Variants in SLC15A1 observed in about 807,000 individuals in gnomAD.
SLC15A1 encodes the protein Caco-2 oligopeptide transporter.
A neutral mutation model predicts 92.9 loss-of-function variants in SLC15A1; 83 were observed. The ratio of observed to expected loss-of-function variants is 0.89; its 90% CI spans 0.75 to 1.07. The LOEUF (loss-of-function observed/expected upper bound fraction) is 1.07. SLC15A1 is among the 50% of genes least tolerant of loss of function. The pLI is 0.00. For missense variants in SLC15A1, 857 were observed against 880.1 expected, an observed-to-expected ratio of 0.97 and a Z score of 0.33; for synonymous variants, 322 against 318.2, an observed-to-expected ratio of 1.01 and a Z score of -0.13.
intron 1 of SLC15A1, among the ~76,000 whole-genome samples, chr13:98,748,389 C>G (rs1358103737): frequency 6.6e-6 from 1 of 152,198 alleles, no homozygotes; most frequent in African/African-American, 2.4e-5. Flanking sequence ...CTCCTGGGCT[C>G]AAGTGATCCT....
At chr13:98,686,151 A>C in intron 22 of SLC15A1, 39 bp downstream of exon 22, 1 of 1,449,260 alleles carries the variant, frequency 6.9e-7, no homozygotes, top group Non-Finnish European at 9.7e-7. Context: ...ATGAACAGGA[A>C]AGACAGAGGT....
intron 8 of SLC15A1, among the ~76,000 whole-genome samples, chr13:98,717,745 G>C (rs1270605530): frequency 1.3e-5 from 2 of 152,142 alleles, no homozygotes; most frequent in East Asian, 3.9e-4. Flanking sequence ...GATTGAAAAC[G>C]GTCCTATTCC....
intron 20 of SLC15A1, 107 bp from the exon 21 acceptor site, chr13:98,687,831 G>A (rs950906): frequency 0.1 from 132,711 of 1,301,836 alleles, 8,983 homozygotes; most frequent in East Asian, 0.38. Context: ...CATATGATTT[G>A]TCAAGTACGT....
chr13:98,685,984 CA>C (rs869045159), intron 22 of SLC15A1, among the ~76,000 whole-genome samples: 3,589 of 103,142 alleles, frequency 0.035, 64 homozygotes, highest in Middle Eastern at 0.085. Flanking sequence ...GACTCCGTCT[CA>C]AAAAAAAAAA....
At position 98,711,829 on chromosome 13, in the gene SLC15A1, GAGCACA is replaced by G. The variant is rs2088165612; in HGVS notation, c.900+19_900+24del. Reference sequence around the variant, plus strand: ...GGATGTACGCTTGCTCCGTGAAGAAGAGCACAAGCAGAGTTTCACATTACCTGCTGG... The same window carrying G: ...GGATGTACGCTTGCTCCGTGAAGAAGAGCAGAGTTTCACATTACCTGCTGG... On this transcript the variant is annotated intron_variant, in intron 11 of 22. Coordinates refer to ENST00000376503, the MANE Select transcript of SLC15A1 (RefSeq NM_005073.4). 6.4e-7 allele frequency: 1 copy of G among 1,566,652 alleles called. No homozygotes were observed. Among genetic ancestry groups the G allele is most frequent in the Non-Finnish European group, 8.8e-7 (1 of 1,137,098 alleles).
chr13:98,730,048 T>C (rs1418254511), intron 1 of SLC15A1, among the ~76,000 whole-genome samples: 2 of 151,588 alleles, frequency 1.3e-5, no homozygotes, highest in Non-Finnish European at 2.9e-5. Context: ...CTACTAAAAA[T>C]ACAAAAATTA....
intron 18 of SLC15A1, among the ~76,000 whole-genome samples, chr13:98,693,102 T>TG (rs2087994807): frequency 7.2e-6 from 1 of 138,920 alleles, no homozygotes; most frequent in African/African-American, 2.9e-5. Context: ...TTTTTTTTTT[T>TG]TTTTTTTTTT....
At chr13:98,731,283 A>C (rs1230302054) in intron 1 of SLC15A1, among the ~76,000 whole-genome samples, 7 of 152,272 alleles carry the variant, frequency 4.6e-5, no homozygotes, top group Non-Finnish European at 1.0e-4. Flanking sequence ...TGTCTTTCAC[A>C]CCAGGCAGGG....
intron 5 of SLC15A1, 128 bp downstream of exon 5, chr13:98,723,784 T>C: frequency 1.5e-6 from 2 of 1,297,374 alleles, no homozygotes; most frequent in South Asian, 1.5e-5. Context: ...GCCTTCTCCA[T>C]GCTGCCCAAG....
chr13:98,721,147 T>TA (rs1268646080), intron 7 of SLC15A1: 1 of 514,038 alleles, frequency 1.9e-6, no homozygotes, highest in Admixed American at 2.3e-5. Context: ...GCTTGAAGGC[T>TA]AAAATGGCAG....
chr13:98,709,988 T>C (rs2088148399), intron 11 of SLC15A1, 77 bp from the exon 12 acceptor site: 6 of 1,382,698 alleles, frequency 4.3e-6, no homozygotes, highest in Non-Finnish European at 5.1e-6. Context: ...GTGAGTCTTT[T>C]CCAAATCAGG....
intron 18 of SLC15A1, among the ~76,000 whole-genome samples, chr13:98,695,598 G>A (rs538569239): frequency 1.3e-5 from 2 of 152,046 alleles, no homozygotes; most frequent in South Asian, 4.2e-4. Context: ...TCACCATGTT[G>A]GCCAGGCTGG....
chr13:98,701,939 T>C (rs896464007), intron 18 of SLC15A1, among the ~76,000 whole-genome samples: 3 of 152,206 alleles, frequency 2.0e-5, no homozygotes, highest in South Asian at 2.1e-4. Flanking sequence ...TCTCCCAAAG[T>C]GCTGGGATTA....
intron 1 of SLC15A1, among the ~76,000 whole-genome samples, chr13:98,735,351 C>T (rs2088383851): frequency 6.6e-6 from 1 of 152,162 alleles, no homozygotes; most frequent in Non-Finnish European, 1.5e-5. Flanking sequence ...ATAATAAGAG[C>T]TATTTATGAC....
At chr13:98,744,973 A>G (rs761629928) in intron 1 of SLC15A1, among the ~76,000 whole-genome samples, 4 of 152,220 alleles carry the variant, frequency 2.6e-5, no homozygotes, top group Non-Finnish European at 5.9e-5. Context: ...TTCTAATTTT[A>G]GAATTAGCAT....
intron 1 of SLC15A1, among the ~76,000 whole-genome samples, chr13:98,727,080 T>C (rs2088308094): frequency 6.6e-6 from 1 of 152,204 alleles, no homozygotes; most frequent in African/African-American, 2.4e-5. Flanking sequence ...AATTCTCGTA[T>C]GCAGTCAAAA....
chr13:98,695,328 G>A (rs141250151), intron 18 of SLC15A1, among the ~76,000 whole-genome samples: 4 of 151,994 alleles, frequency 2.6e-5, no homozygotes, highest in African/African-American at 9.7e-5. Flanking sequence ...CTCAAGTAAT[G>A]CTCCCGCCTC....
intron 18 of SLC15A1, among the ~76,000 whole-genome samples, chr13:98,691,011 C>A (rs1320542009): frequency 6.6e-6 from 1 of 152,026 alleles, no homozygotes; most frequent in Non-Finnish European, 1.5e-5. Context: ...CTTTCACATT[C>A]GTTCATATCG....
At chr13:98,688,204 C>T (rs375962886) in intron 20 of SLC15A1, 44 bp downstream of exon 20, 4 of 1,272,186 alleles carry the variant, frequency 3.1e-6, no homozygotes, top group South Asian at 1.2e-5. Context: ...TCATATCAAT[C>T]GAGTATGAGC....
Sources: gnomAD v4.1 joint callset for allele counts (sites outside exome capture counted in the v4.1 genomes callset) on GRCh38, gnomAD v4.1.1 for gene constraint, MANE v1.5 for transcripts, NCBI Gene and HGNC (gene_info 2026-07-23, HGNC 2026-07-21) for gene names.